The following GALNT13 variants were observed in gnomAD, a reference collection of about 807,000 sequenced individuals.
GALNT13 encodes the protein UDP-GalNAc:polypeptide N-acetylgalactosaminyltransferase 13.
A neutral mutation model predicts 64.2 loss-of-function variants in GALNT13; 28 were observed. The ratio of observed to expected loss-of-function variants is 0.44; its 90% CI spans 0.32 to 0.60. The LOEUF is 0.60. Ranked by LOEUF, GALNT13 falls within the 20% of genes least tolerant of loss-of-function variation. The pLI is 0.05. For synonymous variants in GALNT13, 214 were observed against 224.6 expected (o/e 0.95, Z 0.42); for missense variants, 577 against 669.8 (o/e 0.86, Z 1.53).
At chr2:153,254,598 G>A in the GALNT13 span, among the ~76,000 whole-genome samples, 1,268 of 152,016 alleles carry the variant, frequency 8.3e-3, 22 homozygotes, top group African/African-American at 0.028. Flanking sequence ...TTTCTCTTGT[G>A]GGCATTTAGT....
the GALNT13 span, among the ~76,000 whole-genome samples, chr2:153,380,126 C>T: frequency 1.3e-5 from 2 of 152,018 alleles, no homozygotes; most frequent in African/African-American, 4.8e-5. Context: ...ATATCCATGG[C>T]CTCCACATAC....
the GALNT13 span, among the ~76,000 whole-genome samples, chr2:153,262,132 G>A: frequency 0.35 from 52,807 of 151,860 alleles, 9,403 homozygotes; most frequent in Middle Eastern, 0.51. Flanking sequence ...AGCATAAGGG[G>A]TCTTTCCTTA....
the GALNT13 span, chr2:153,201,724 T>C: frequency 6.6e-6 from 1 of 152,200 alleles, no homozygotes; most frequent in South Asian, 2.1e-4. Context: ...AGTATTTGGC[T>C]GTGATTTTAC....
At chr2:153,824,793 C>A in the GALNT13 span, among the ~76,000 whole-genome samples, 2 of 152,060 alleles carry the variant, frequency 1.3e-5, no homozygotes, top group African/African-American at 2.4e-5. Context: ...AGACTTCTCA[C>A]GAGATCTGAT....
At chr2:154,369,032 TAC>T (rs1026324165) in intron 9 of GALNT13, among the ~76,000 whole-genome samples, 3 of 151,622 alleles carry the variant, frequency 2.0e-5, no homozygotes, top group African/African-American at 7.3e-5. Context: ...TTCAGGATTA[TAC>T]TTAATTTAGT....
the GALNT13 span, among the ~76,000 whole-genome samples, chr2:153,268,721 A>G: frequency 3.7e-4 from 57 of 152,302 alleles, no homozygotes; most frequent in Middle Eastern, 3.4e-3. Flanking sequence ...GTTTCCATAC[A>G]TCCTCTGAAA....
At chr2:154,328,054 T>C (rs1479644277) in intron 9 of GALNT13, among the ~76,000 whole-genome samples, 1 of 152,128 alleles carries the variant, frequency 6.6e-6, no homozygotes, top group Non-Finnish European at 1.5e-5. Flanking sequence ...TATAAAAACA[T>C]TGATATGATA....
chr2:153,401,938 A>T, the GALNT13 span, among the ~76,000 whole-genome samples: 1 of 149,414 alleles, frequency 6.7e-6, no homozygotes, highest in East Asian at 2.0e-4. Flanking sequence ...TTTAAAGTTA[A>T]TATTGTTATG....
intron 4 of GALNT13, among the ~76,000 whole-genome samples, chr2:154,209,144 G>A (rs1338159837): frequency 2.0e-5 from 3 of 151,972 alleles, no homozygotes; most frequent in Admixed American, 6.6e-5. Context: ...TAAAGTTCAG[G>A]GAAAAAAGAG....
chr2:153,709,175 G>A, the GALNT13 span, among the ~76,000 whole-genome samples: 1 of 151,916 alleles, frequency 6.6e-6, no homozygotes, highest in Non-Finnish European at 1.5e-5. Context: ...AAAGGAAACA[G>A]CAAGGTCAAG....
In GALNT13 at chr2:154,299,494, G is replaced by A. The variant is rs866021856; in HGVS notation, c.976-1915G>A. On this transcript the variant is annotated intron_variant, in intron 8 of 12. Coordinates refer to ENST00000392825, the MANE Select transcript of GALNT13 (RefSeq NM_052917.4). ...TTTTTTGAGACAGAGTCTCACTCTC[G>A]CCCAGGCTGGAGTGCAGTGGCGTGA... Among the ~76,000 whole-genome samples the A allele has an allele frequency of 5.9e-5, 8 of 136,410 alleles. No individual in the cohort carries two copies. The East Asian group carries it at 6.4e-4, about 11-fold the overall frequency. The allele number at this position is 136,410 out of a possible 152,430, so 89.5% of individuals were successfully genotyped here.
chr2:154,301,364 A>G (rs2105095880), intron 8 of GALNT13, 45 bp from the exon 9 acceptor site: 1 of 1,505,904 alleles, frequency 6.6e-7, no homozygotes, highest in East Asian at 2.3e-5. Context: ...GCTTCATCTC[A>G]TACAATATTA....
chr2:153,591,181 G>C, the GALNT13 span, among the ~76,000 whole-genome samples: 1 of 151,834 alleles, frequency 6.6e-6, no homozygotes, highest in Non-Finnish European at 1.5e-5. Flanking sequence ...TAACCTAGCT[G>C]ACAAGATCAA....
chr2:153,546,636 T>C, the GALNT13 span, among the ~76,000 whole-genome samples: 2 of 152,214 alleles, frequency 1.3e-5, no homozygotes, highest in Non-Finnish European at 2.9e-5. Context: ...CGATATCAAG[T>C]ACAATATTAA....
the GALNT13 span, among the ~76,000 whole-genome samples, chr2:153,789,015 C>T: frequency 1.3e-5 from 2 of 151,966 alleles, no homozygotes; most frequent in Admixed American, 6.6e-5. Context: ...ACTTTAACAC[C>T]CCACTGACAT....
the GALNT13 span, among the ~76,000 whole-genome samples, chr2:153,822,067 C>T: frequency 3.9e-4 from 60 of 152,210 alleles, no homozygotes; most frequent in African/African-American, 1.4e-3. Flanking sequence ...CAAGTATGAG[C>T]TCCAAAATAG....
At chr2:153,357,185 G>C in the GALNT13 span, 22 of 152,064 alleles carry the variant, frequency 1.4e-4, no homozygotes, top group Admixed American at 1.2e-3. Flanking sequence ...TATCTCTGCT[G>C]TGTTAGAATT....
At chr2:153,672,598 C>A in the GALNT13 span, among the ~76,000 whole-genome samples, 26 of 152,188 alleles carry the variant, frequency 1.7e-4, no homozygotes, top group African/African-American at 6.0e-4. Flanking sequence ...CAAGAGAAAG[C>A]AGGAAAGATC....
intron 4 of GALNT13, among the ~76,000 whole-genome samples, chr2:154,180,248 A>G (rs1685880581): frequency 6.6e-6 from 1 of 152,132 alleles, no homozygotes; most frequent in Middle Eastern, 3.2e-3. Flanking sequence ...ATATAAATAG[A>G]CTCATAACAA....
Sources: allele counts gnomAD v4.1 joint callset (sites outside exome capture counted in the v4.1 genomes callset), GRCh38; gene constraint gnomAD v4.1.1; transcripts MANE v1.5; gene names NCBI Gene and HGNC (gene_info 2026-07-23, HGNC 2026-07-21).